The following SPIN1 variants were observed in gnomAD, a reference collection of about 807,000 sequenced individuals.
SPIN1 encodes the protein spindlin 1.
Under a neutral mutation model 26.0 loss-of-function variants are expected in SPIN1, and 3 were observed. The observed-to-expected ratio is 0.12, with a 90% CI of 0.05 to 0.30. SPIN1 has a LOEUF of 0.30. Among genes scored for constraint, SPIN1 ranks in the 10% least tolerant of loss-of-function variants. The probability of loss-of-function intolerance (pLI) is 1.00; values close to 1 mark genes in which losing one functional copy is unlikely to be tolerated. For synonymous variants in SPIN1, 101 were observed against 116.5 expected (o/e 0.87, Z 0.86); for missense variants, 126 against 333.4 (o/e 0.38, Z 4.84).
intron 2 of SPIN1, among the ~76,000 whole-genome samples, chr9:88,445,521 A>T (rs1022619686): frequency 8.7e-5 from 6 of 68,578 alleles, no homozygotes; most frequent in South Asian, 3.4e-4. Context: ...TGAGACTTTT[A>T]TTATTATTAT....
chr9:88,405,108 C>T (rs963965455), intron 1 of SPIN1, among the ~76,000 whole-genome samples: 1 of 151,988 alleles, frequency 6.6e-6, no homozygotes, highest in African/African-American at 2.4e-5. Flanking sequence ...TTACAGTTAA[C>T]TTTTTTTATA....
chr9:88,468,263 G>T, intron 4 of SPIN1, 109 bp from the exon 5 acceptor site: 1 of 732,684 alleles, frequency 1.4e-6, no homozygotes. Flanking sequence ...TTGCTAATAC[G>T]TTGCATGGAC....
intron 5 of SPIN1, 137 bp downstream of exon 5, chr9:88,468,742 C>G: frequency 2.0e-6 from 1 of 495,210 alleles, no homozygotes; most frequent in Non-Finnish European, 3.3e-6. Flanking sequence ...ACAAACACAG[C>G]CTTTGAAATT....
At chr9:88,421,911 T>G (rs1352668656) in intron 1 of SPIN1, among the ~76,000 whole-genome samples, 2 of 152,074 alleles carry the variant, frequency 1.3e-5, no homozygotes, top group Non-Finnish European at 2.9e-5. Context: ...CACCTGGAGG[T>G]AAAACATTTT....
chr9:88,394,069 A>G (rs1028249456), intron 1 of SPIN1, among the ~76,000 whole-genome samples: 1 of 152,022 alleles, frequency 6.6e-6, no homozygotes, highest in Non-Finnish European at 1.5e-5. Flanking sequence ...AGCTGGTCTC[A>G]AACTCCCAAG....
In SPIN1 at chr9:88,472,977, A is replaced by ACAT. The variant is rs201004964; in HGVS notation, c.590-2100_590-2098dup. Among the ~76,000 whole-genome samples, 931 of 152,282 alleles carry ACAT rather than the reference A, an allele frequency of 6.1e-3. 5 individuals carry two copies. The highest frequency in any genetic ancestry group is 8.0e-3 in the Non-Finnish European group (546 of 68,032). ...GATGTAACTGGTAGGCCCTCTCCAT[A>ACAT]CATTAGCCATGCGTCAGTCATCTTT... On this transcript the variant is annotated intron_variant, in intron 5 of 5. Transcript: ENST00000375859.
At chr9:88,388,889 G>C (rs867797835) in intron 1 of SPIN1, among the ~76,000 whole-genome samples, 11 of 151,192 alleles carry the variant, frequency 7.3e-5, no homozygotes, top group Middle Eastern at 3.5e-3. Context: ...GAGCCGGGCG[G>C]GGAGGCCGGC....
At chr9:88,469,172 C>CTAAG (rs1828729734) in intron 5 of SPIN1, among the ~76,000 whole-genome samples, 2 of 152,170 alleles carry the variant, frequency 1.3e-5, no homozygotes, top group Admixed American at 1.3e-4. Flanking sequence ...AAGGAACACA[C>CTAAG]AACTTAGATT....
intron 1 of SPIN1, among the ~76,000 whole-genome samples, chr9:88,397,201 T>G (rs538601718): frequency 6.6e-6 from 1 of 152,202 alleles, no homozygotes; most frequent in Admixed American, 6.6e-5. Context: ...TTTTTAACTT[T>G]TTTTTAAACT....
intron 1 of SPIN1, among the ~76,000 whole-genome samples, chr9:88,416,171 TG>T (rs1827560132): frequency 6.6e-6 from 1 of 152,234 alleles, no homozygotes; most frequent in African/African-American, 2.4e-5. Context: ...ATTTTTGTTG[TG>T]AAACATTTCT....
intron 1 of SPIN1, among the ~76,000 whole-genome samples, chr9:88,412,536 T>C (rs952202036): frequency 5.3e-5 from 8 of 152,146 alleles, no homozygotes; most frequent in African/African-American, 1.4e-4. Context: ...ATGGACCGTT[T>C]GCCAGTTTTA....
intron 2 of SPIN1, among the ~76,000 whole-genome samples, chr9:88,433,354 A>T (rs74538372): frequency 6.6e-6 from 1 of 152,170 alleles, no homozygotes. Flanking sequence ...AAGTGCTGGG[A>T]CTACAGTCAT....
intron 1 of SPIN1, among the ~76,000 whole-genome samples, chr9:88,400,782 T>C (rs753478478): frequency 6.6e-5 from 10 of 151,342 alleles, no homozygotes; most frequent in Middle Eastern, 3.4e-3. Flanking sequence ...GAGGCAGAGG[T>C]TGCAGTGAGC....
intron 1 of SPIN1, among the ~76,000 whole-genome samples, chr9:88,423,763 CTTTA>C (rs1467184263): frequency 7.3e-6 from 1 of 136,864 alleles, no homozygotes; most frequent in Admixed American, 7.4e-5. Flanking sequence ...TCTTGATCTT[CTTTA>C]TTTATTGTAC....
chr9:88,452,099 G>T (rs1828365821), intron 3 of SPIN1, among the ~76,000 whole-genome samples: 1 of 152,104 alleles, frequency 6.6e-6, no homozygotes, highest in Admixed American at 6.6e-5. Context: ...TATTTCCAGG[G>T]ATTTCTTTCC....
At chr9:88,392,674 T>G (rs1826954386) in intron 1 of SPIN1, among the ~76,000 whole-genome samples, 1 of 152,102 alleles carries the variant, frequency 6.6e-6, no homozygotes, top group African/African-American at 2.4e-5. Flanking sequence ...CTAGCTACTA[T>G]TTTCTATCTA....
At chr9:88,414,027 T>C (rs1162912331) in intron 1 of SPIN1, among the ~76,000 whole-genome samples, 1 of 119,042 alleles carries the variant, frequency 8.4e-6, no homozygotes, top group Non-Finnish European at 1.5e-5. Flanking sequence ...TAGTTTATTA[T>C]AGCAAAAAAA....
chr9:88,467,987 C>A (rs916239325), intron 4 of SPIN1, among the ~76,000 whole-genome samples: 1 of 152,070 alleles, frequency 6.6e-6, no homozygotes, highest in Non-Finnish European at 1.5e-5. Flanking sequence ...TTTTCCAGTT[C>A]TTCTGTAAGT....
At chr9:88,448,554 A>T (rs2118131534) in intron 2 of SPIN1, among the ~76,000 whole-genome samples, 1 of 151,236 alleles carries the variant, frequency 6.6e-6, no homozygotes, top group South Asian at 2.1e-4. Context: ...TTGCTATGTT[A>T]CCCAGGCTGG....
Sources: allele counts gnomAD v4.1 joint callset (sites outside exome capture counted in the v4.1 genomes callset), GRCh38; gene constraint gnomAD v4.1.1; transcripts MANE v1.5; gene names NCBI Gene and HGNC (gene_info 2026-07-23, HGNC 2026-07-21).